GOLGA8M: variants seen among roughly 807,000 people sequenced by gnomAD.
GOLGA8M encodes golgin A8 family member M.
In GOLGA8M, 34 loss-of-function variants were observed where a neutral mutation model predicts 87.7. That is an observed-to-expected ratio of 0.39 (90% confidence interval 0.29 to 0.52). The LOEUF is 0.52. Ranked by LOEUF, GOLGA8M falls within the 20% of genes least tolerant of loss-of-function variation. GOLGA8M has a pLI of 0.80. For missense variants in GOLGA8M, 396 were observed against 682.2 expected, an observed-to-expected ratio of 0.58 and a Z score of 4.67; for synonymous variants, 138 against 250.2, an observed-to-expected ratio of 0.55 and a Z score of 4.23.
At position 28,707,815 on chromosome 15, in the gene GOLGA8M, T is replaced by C; in HGVS notation, c.524A>G (p.Gln175Arg). ...DLAVRLQHSL[Q>R]RKGELESVLS... ...AACACTCTCTAACTCTCCTTTACGC[T>C]GCAATGAATGTTGCAGGCGGACAGC... The change falls in exon 8 of 19, where the codon CAG becomes CGG. Residue 175 changes from glutamine (Q) to arginine (R), a missense_variant. By Grantham distance (43) the Gln-to-Arg change is conservative. This residue lies in a region of GOLGA8M where 80 missense variants were observed against 119.9 expected (regional missense o/e 0.67). Transcript: ENST00000563027. 1 of 1,586,454 alleles carries C rather than the reference T, an allele frequency of 6.3e-7. No individual in the cohort carries two copies. The highest frequency in any genetic ancestry group is 1.1e-5 in the South Asian group (1 of 90,272).
chr15:28,704,769 T>G (rs2079956688), intron 13 of GOLGA8M, among the ~76,000 whole-genome samples: 1 of 144,230 alleles, frequency 6.9e-6, no homozygotes, highest in Admixed American at 7.3e-5. Context: ...GTAATTTTAG[T>G]AGAGATGAGG....
At chr15:28,702,901 C>T in intron 15 of GOLGA8M, 156 bp from the exon 16 acceptor site, 1 of 970,410 alleles carries the variant, frequency 1.0e-6, no homozygotes, top group Non-Finnish European at 1.2e-6. Context: ...AGACTCGCCC[C>T]CAGGCCCTGG....
chr15:28,711,644 G>A (rs1260665307), intron 1 of GOLGA8M: 27 of 984,772 alleles, frequency 2.7e-5, no homozygotes, highest in Admixed American at 1.2e-4. Flanking sequence ...AGGTGAGAAC[G>A]CTTAGGGGAC....
At chr15:28,711,932 G>C in intron 1 of GOLGA8M, 6 of 985,106 alleles carry the variant, frequency 6.1e-6, no homozygotes, top group Non-Finnish European at 7.2e-6. Flanking sequence ...AGTCACCCAG[G>C]GATGATTGGC....
intron 13 of GOLGA8M, 61 bp from the exon 14 acceptor site, chr15:28,703,978 C>G (rs2079919390): frequency 6.3e-7 from 1 of 1,587,508 alleles, no homozygotes. Flanking sequence ...CCTCACAGCC[C>G]CATCCTCCGC....
rs2079783964 is a variant in GOLGA8M at position 28,701,492 on chromosome 15, G to A, written c.*462C>T. ...CACTTGGGGGCAAACTACATATTGA[G>A]CTAACGAAGAGCTCACTGTGATTAA... On this transcript the variant is annotated 3_prime_UTR_variant, in exon 19 of 19. Transcript: ENST00000563027. 6.6e-6 allele frequency among the ~76,000 whole-genome samples: 1 copy of A among 151,274 alleles called. No individual in the cohort carries two copies. The highest frequency in any genetic ancestry group is 2.1e-4 in the South Asian group (1 of 4,750).
At position 28,706,999 on chromosome 15, in the gene GOLGA8M, A is replaced by G. The variant is rs138555459; in HGVS notation, c.592-300T>C. Among the ~76,000 whole-genome samples, 42 of 142,004 alleles carry G rather than the reference A, an allele frequency of 3.0e-4. 4 individuals carry two copies. Among genetic ancestry groups the G allele is most frequent in the African/African-American group, 9.2e-4 (34 of 37,000 alleles). 93.2% of individuals were successfully genotyped at this position (142,004 alleles called of 152,430 possible). A position where few individuals can be genotyped will look rare whatever the true frequency, so the allele number is the denominator to read the frequency against. On this transcript the variant is annotated intron_variant, in intron 8 of 18. Coordinates refer to ENST00000563027, the MANE Select transcript of GOLGA8M (RefSeq NM_001282468.3). ...GAATGCTTCACCAGATACCATGCTAACAATCCCATTTAATCCTCGCAACCA... is the reference window on the plus strand; with the variant it reads ...GAATGCTTCACCAGATACCATGCTAGCAATCCCATTTAATCCTCGCAACCA...
chr15:28,711,787 T>C, intron 1 of GOLGA8M: 1 of 982,730 alleles, frequency 1.0e-6, no homozygotes, highest in African/African-American at 1.8e-5. Flanking sequence ...TGCTCCACGA[T>C]GGGGGAGGGA....
upstream of GOLGA8M, among the ~76,000 whole-genome samples, chr15:28,712,652 A>G (rs192845703): frequency 0.14 from 20,970 of 147,766 alleles, 1,636 homozygotes; most frequent in East Asian, 0.5. Context: ...AAGAGGGGCC[A>G]GCTTTTGCTT....
chr15:28,712,629 C>A (rs2080228028), upstream of GOLGA8M, among the ~76,000 whole-genome samples: 1 of 151,290 alleles, frequency 6.6e-6, no homozygotes, highest in Non-Finnish European at 1.5e-5. Context: ...AGAGGCCTCC[C>A]ACTCTGGAAG....
At chr15:28,712,180 A>C in intron 1 of GOLGA8M, 96 bp downstream of exon 1, 15 of 1,537,102 alleles carry the variant, frequency 9.8e-6, no homozygotes, top group Non-Finnish European at 1.3e-5. Flanking sequence ...GGACCAGTCC[A>C]GTGTGCCTCA....
Position 28,701,806 on chromosome 15 carries a change from ATAAACT to A in GOLGA8M, c.*142_*147del, listed in dbSNP as rs1447412355. 7 of 1,217,430 alleles carry A rather than the reference ATAAACT, an allele frequency of 5.7e-6. No individual in the cohort carries two copies. The highest frequency in any genetic ancestry group is 5.1e-5 in the East Asian group (2 of 39,378). 75.4% of individuals were successfully genotyped at this position (1,217,430 alleles called of 1,614,324 possible). ...CCCACTCTCTTTTAACTTTTTACAA[ATAAACT>A]TAAAACTATAAATTAGAAACACAAA... On this transcript the variant is annotated 3_prime_UTR_variant, in exon 19 of 19. Coordinates refer to ENST00000563027, the MANE Select transcript of GOLGA8M (RefSeq NM_001282468.3).
chr15:28,705,880 C>T, intron 11 of GOLGA8M, 141 bp from the exon 12 acceptor site: 1 of 1,170,680 alleles, frequency 8.5e-7, no homozygotes, highest in Non-Finnish European at 1.2e-6. Context: ...GCCAGTCTTC[C>T]AAAGCACTTT....
At position 28,706,708 on chromosome 15, in the gene GOLGA8M, C is replaced by T. The variant is rs1008354955; in HGVS notation, c.592-9G>A. On this transcript the variant is annotated splice_polypyrimidine_tract_variant and intron_variant, in intron 8 of 18. Transcript: ENST00000563027. ...TTACTGGGGCTGGACAACTGGATGG[C>T]AAAGAGTGAGAAGTTTCAATCTGGA... 182 of 1,444,912 alleles carry T rather than the reference C, an allele frequency of 1.3e-4. No individual in the cohort carries two copies. The East Asian group carries it at 1.8e-3, about 14-fold the overall frequency. 89.5% of individuals were successfully genotyped at this position (1,444,912 alleles called of 1,614,324 possible).
At chr15:28,706,807 G>T (rs1386426582) in intron 8 of GOLGA8M, 108 bp from the exon 9 acceptor site, 11 of 1,080,162 alleles carry the variant, frequency 1.0e-5, no homozygotes, top group Non-Finnish European at 1.5e-5. Flanking sequence ...GGTCAGTAAA[G>T]ATCAAGGCAT....
At position 28,700,169 on chromosome 15, in the gene GOLGA8M, A is replaced by AT. The variant is rs2079756730; in HGVS notation, c.*1784dup. Among the ~76,000 whole-genome samples, 1 of 136,496 alleles carries AT rather than the reference A, an allele frequency of 7.3e-6. No individual in the cohort carries two copies. The highest frequency in any genetic ancestry group is 1.5e-5 in the Non-Finnish European group (1 of 66,776). The allele number at this position is 136,496 out of a possible 152,430, so 89.5% of individuals were successfully genotyped here. On this transcript the variant is annotated 3_prime_UTR_variant, in exon 19 of 19. Transcript: ENST00000563027. ...ACTGTTGCTCTCCTGTTAATGTCAT[A>AT]TTTATAGAAGTATCATGAGGATGCC...
At position 28,706,673 on chromosome 15, in the gene GOLGA8M, C is replaced by G; in HGVS notation, c.618G>C (p.Thr206=). The change falls in exon 9 of 19, where the codon ACG becomes ACC. Residue 206 remains threonine, a synonymous_variant. Coordinates refer to ENST00000563027, the MANE Select transcript of GOLGA8M (RefSeq NM_001282468.3). ...NQLSSPSKAG[T]EWKLEQSMRE... ...GCATGGACTGCTCTAACTTCCACTC[C>G]GTACCTGCTTTACTGGGGCTGGACA... 6 of 1,553,508 alleles carry G rather than the reference C, an allele frequency of 3.9e-6. No individual in the cohort carries two copies. The highest frequency in any genetic ancestry group is 5.3e-6 in the Non-Finnish European group (6 of 1,136,804).
chr15:28,711,522 G>A (rs549352903), intron 1 of GOLGA8M: 63 of 976,472 alleles, frequency 6.5e-5, no homozygotes, highest in African/African-American at 2.8e-4. Context: ...TTTTCCCACC[G>A]TCAACATCTG....
chr15:28,708,661 C>T (rs2080113204), intron 4 of GOLGA8M, among the ~76,000 whole-genome samples: 1 of 150,596 alleles, frequency 6.6e-6, no homozygotes, highest in South Asian at 2.1e-4. Context: ...GCAACATAAA[C>T]CTCTAGAGAT....
Sources: allele counts gnomAD v4.1 joint callset (sites outside exome capture counted in the v4.1 genomes callset), GRCh38; gene constraint gnomAD v4.1.1; regional missense constraint gnomAD v4.1.1; transcripts MANE v1.5; gene names NCBI Gene and HGNC (gene_info 2026-07-23, HGNC 2026-07-21).